The following PARD3B variants were observed in gnomAD, a reference collection of about 807,000 sequenced individuals.
PARD3B encodes the protein par-3 family cell polarity regulator beta.
PARD3B carries 103 observed loss-of-function variants against 130.2 expected under a neutral mutation model. The ratio of observed to expected loss-of-function variants is 0.79; its 90% CI spans 0.67 to 0.93. The LOEUF (loss-of-function observed/expected upper bound fraction) is 0.93. PARD3B is among the 40% of genes least tolerant of loss of function. The pLI is 0.00. For synonymous variants in PARD3B, 583 were observed against 553.2 expected (o/e 1.05, Z -0.76); for missense variants, 1,609 against 1,499.2 (o/e 1.07, Z -1.21).
intron 13 of PARD3B, among the ~76,000 whole-genome samples, chr2:205,178,441 ACT>A (rs2035608466): frequency 6.6e-6 from 1 of 152,088 alleles, no homozygotes; most frequent in South Asian, 2.1e-4. Flanking sequence ...GAGCAAGGAG[ACT>A]CTGTTTCAAA....
intron 2 of PARD3B, among the ~76,000 whole-genome samples, chr2:204,755,652 C>A (rs2040637478): frequency 6.6e-6 from 1 of 152,106 alleles, no homozygotes. Flanking sequence ...GACTGAATCA[C>A]AGTTCAGAAT....
intron 2 of PARD3B, among the ~76,000 whole-genome samples, chr2:204,949,561 G>A (rs906442537): frequency 2.0e-5 from 3 of 151,906 alleles, no homozygotes; most frequent in African/African-American, 7.3e-5. Flanking sequence ...GGCTCAAGCC[G>A]CCCTCCCACC....
At chr2:205,227,759 C>T (rs1368798421) in intron 15 of PARD3B, among the ~76,000 whole-genome samples, 3 of 151,932 alleles carry the variant, frequency 2.0e-5, no homozygotes, top group East Asian at 3.9e-4. Flanking sequence ...TCTTCTCATC[C>T]TTCTTTCATT....
intron 1 of PARD3B, among the ~76,000 whole-genome samples, chr2:204,637,548 T>C (rs184489535): frequency 1.5e-4 from 23 of 152,340 alleles, no homozygotes; most frequent in Admixed American, 7.8e-4. Context: ...TAAATACTTA[T>C]GGTGAAAATT....
chr2:204,781,441 A>G (rs2125453052), intron 2 of PARD3B, among the ~76,000 whole-genome samples: 1 of 152,280 alleles, frequency 6.6e-6, no homozygotes, highest in South Asian at 2.1e-4. Flanking sequence ...TTTATACTGC[A>G]TAAGCTTAAT....
intron 20 of PARD3B, among the ~76,000 whole-genome samples, chr2:205,441,999 T>C (rs1346746037): frequency 6.6e-6 from 1 of 152,198 alleles, no homozygotes; most frequent in African/African-American, 2.4e-5. Context: ...TCATAGAGGA[T>C]TGAATTTTAT....
At position 205,345,873 on chromosome 2, in the gene PARD3B, T is replaced by TA. The variant is rs1328224613; in HGVS notation, c.2630+44179dup. Among the ~76,000 whole-genome samples, 3 of 43,898 alleles carry TA rather than the reference T, an allele frequency of 6.8e-5. 1 individual carries two copies. Among genetic ancestry groups the TA allele is most frequent in the Non-Finnish European group, 1.7e-4 (2 of 11,442 alleles). The allele number at this position is 43,898 out of a possible 152,430, so 28.8% of individuals were successfully genotyped here. On this transcript the variant is annotated intron_variant, in intron 18 of 22. Coordinates refer to ENST00000406610, the MANE Select transcript of PARD3B (RefSeq NM_001302769.2). Reference sequence around the variant, plus strand: ...GAAAATGAAAACTGCACATTTGAAATAAAAAAAGAAGATGCAGCTGGGTGT... The same window carrying TA: ...GAAAATGAAAACTGCACATTTGAAATAAAAAAAAGAAGATGCAGCTGGGTGT...
intron 2 of PARD3B, among the ~76,000 whole-genome samples, chr2:204,697,318 T>C (rs1017156959): frequency 3.9e-5 from 6 of 152,106 alleles, no homozygotes; most frequent in African/African-American, 1.4e-4. Context: ...GGGACTACAA[T>C]TGAGAAGAGA....
At chr2:205,033,295 T>C (rs1197576576) in intron 3 of PARD3B, among the ~76,000 whole-genome samples, 1 of 152,218 alleles carries the variant, frequency 6.6e-6, no homozygotes, top group Non-Finnish European at 1.5e-5. Context: ...CCTCTACTTA[T>C]TATTTTAGTC....
chr2:204,998,334 A>G (rs1694437114), intron 3 of PARD3B, among the ~76,000 whole-genome samples: 1 of 40,282 alleles, frequency 2.5e-5, no homozygotes, highest in African/African-American at 9.8e-5. Context: ...ATATATATAT[A>G]TATATATATA....
At chr2:204,672,390 C>T (rs749711582) in intron 1 of PARD3B, among the ~76,000 whole-genome samples, 3 of 152,196 alleles carry the variant, frequency 2.0e-5, no homozygotes, top group Non-Finnish European at 2.9e-5. Context: ...AGCTAAGGCA[C>T]TGGACATGAA....
intron 1 of PARD3B, among the ~76,000 whole-genome samples, chr2:204,556,382 G>C (rs2030922496): frequency 6.6e-6 from 1 of 152,154 alleles, no homozygotes; most frequent in African/African-American, 2.4e-5. Context: ...CCACTCTCGG[G>C]TTTTGATGAG....
intron 20 of PARD3B, among the ~76,000 whole-genome samples, chr2:205,488,864 T>G (rs754728398): frequency 6.6e-6 from 1 of 152,174 alleles, no homozygotes; most frequent in African/African-American, 2.4e-5. Context: ...AGCTCAGATA[T>G]TTGGTGTATC....
At chr2:204,618,674 A>C (rs2034193426) in intron 1 of PARD3B, among the ~76,000 whole-genome samples, 1 of 152,220 alleles carries the variant, frequency 6.6e-6, no homozygotes. Flanking sequence ...CTTATTTATT[A>C]GTGTATTTCT....
chr2:205,434,187 T>C (rs889206936), intron 19 of PARD3B, among the ~76,000 whole-genome samples: 1 of 152,178 alleles, frequency 6.6e-6, no homozygotes, highest in Non-Finnish European at 1.5e-5. Context: ...TTTTACACTT[T>C]AGTAAGGACA....
chr2:205,189,053 G>T (rs1311457849), intron 14 of PARD3B, among the ~76,000 whole-genome samples: 1 of 152,196 alleles, frequency 6.6e-6, no homozygotes, highest in Non-Finnish European at 1.5e-5. Flanking sequence ...ATCTCAGGCA[G>T]AGTTGAAGCT....
intron 2 of PARD3B, among the ~76,000 whole-genome samples, chr2:204,920,823 C>T (rs1360401493): frequency 6.6e-6 from 1 of 152,144 alleles, no homozygotes; most frequent in African/African-American, 2.4e-5. Flanking sequence ...CTTTTGCCTT[C>T]TAAACATTGG....
In PARD3B at chr2:204,861,612, C is replaced by A. The variant is rs1318826807; in HGVS notation, c.223-103540C>A. 4.6e-5 allele frequency among the ~76,000 whole-genome samples: 7 copies of A among 152,074 alleles called. No individual in the cohort carries two copies. In the East Asian group the frequency reaches 9.7e-4, roughly 21 times the overall value. On this transcript the variant is annotated intron_variant, in intron 2 of 22. Transcript: ENST00000406610. ...GTCACTGGAGATGCCTCTGAGCCAC[C>A]AAAATTACCATCATAATGATTATTT... is the stretch of plus-strand genomic sequence containing the variant.
chr2:204,811,794 G>A (rs1408052782), intron 2 of PARD3B, among the ~76,000 whole-genome samples: 1 of 151,852 alleles, frequency 6.6e-6, no homozygotes, highest in Non-Finnish European at 1.5e-5. Context: ...TCCGGCCTCA[G>A]TCTGCTATCA....
Sources: gnomAD v4.1 joint callset for allele counts (sites outside exome capture counted in the v4.1 genomes callset) on GRCh38, gnomAD v4.1.1 for gene constraint, MANE v1.5 for transcripts, NCBI Gene and HGNC (gene_info 2026-07-23, HGNC 2026-07-21) for gene names.